Variants in PATL1 observed in about 807,000 individuals in gnomAD.
PATL1 encodes protein PAT1 homolog 1.
In PATL1, 32 loss-of-function variants were observed where a neutral mutation model predicts 100.6. The ratio of observed to expected loss-of-function variants is 0.32; its 90% CI spans 0.24 to 0.43. The LOEUF is 0.43. PATL1 is among the 20% of genes least tolerant of loss of function. PATL1 has a pLI of 1.00. For missense variants in PATL1, 747 were observed against 949.9 expected, an observed-to-expected ratio of 0.79 and a Z score of 2.81; for synonymous variants, 332 against 330.0, an observed-to-expected ratio of 1.01 and a Z score of -0.07.
At chr11:59,650,865 T>G in intron 12 of PATL1, 52 bp from the exon 13 acceptor site, 1 of 1,262,004 alleles carries the variant, frequency 7.9e-7, no homozygotes. Context: ...GTTAAAATAA[T>G]TTACCAAGTG....
intron 2 of PATL1, among the ~76,000 whole-genome samples, chr11:59,666,389 CTAT>C (rs1488096798): frequency 6.6e-6 from 1 of 152,192 alleles, no homozygotes; most frequent in Non-Finnish European, 1.5e-5. Flanking sequence ...TTTGAAGATA[CTAT>C]AAGTTGCAAA....
chr11:59,663,618 CATA>C (rs1861653750), intron 2 of PATL1, among the ~76,000 whole-genome samples: 1 of 152,112 alleles, frequency 6.6e-6, no homozygotes, highest in African/African-American at 2.4e-5. Flanking sequence ...GTGCCTAGCA[CATA>C]ATAAGCACCA....
At chr11:59,667,677 T>C (rs1296227346) in intron 1 of PATL1, among the ~76,000 whole-genome samples, 1 of 152,238 alleles carries the variant, frequency 6.6e-6, no homozygotes, top group African/African-American at 2.4e-5. Context: ...ATGTCTTACA[T>C]TGTAATGCAG....
At chr11:59,663,034 T>TA (rs1413887231) in intron 2 of PATL1, among the ~76,000 whole-genome samples, 1 of 152,176 alleles carries the variant, frequency 6.6e-6, no homozygotes, top group African/African-American at 2.4e-5. Context: ...AGTAGTATTT[T>TA]AGAGATATTG....
At chr11:59,665,936 C>T (rs1050098277) in intron 2 of PATL1, among the ~76,000 whole-genome samples, 2 of 152,160 alleles carry the variant, frequency 1.3e-5, no homozygotes, top group African/African-American at 2.4e-5. Flanking sequence ...TTTATAACCC[C>T]GTGGCCTGTA....
At chr11:59,654,157 C>T (rs1488884439) in intron 8 of PATL1, 85 bp from the exon 9 acceptor site, 9 of 1,177,660 alleles carry the variant, frequency 7.6e-6, no homozygotes, top group South Asian at 1.2e-5. Flanking sequence ...AGGATAACTT[C>T]ATACAGGTTA....
Position 59,639,501 on chromosome 11 carries a change from T to C in PATL1, c.2050-118A>G, listed in dbSNP as rs1050745286. The C allele has an allele frequency of 4.2e-6, 3 of 717,782 alleles. No homozygotes were observed. In the Admixed American group the frequency reaches 8.1e-5, roughly 19 times the overall value. 44.5% of individuals were successfully genotyped at this position (717,782 alleles called of 1,614,324 possible). ...CTCTAAATCAAAATAACCTCACTAC[T>C]GTGCTTTTCTGTAAAACCAGGTAAA... On this transcript the variant is annotated intron_variant, in intron 16 of 18. Transcript: ENST00000300146.
At chr11:59,643,092 C>A (rs1212558285) in intron 15 of PATL1, 57 bp from the exon 16 acceptor site, 3 of 1,559,210 alleles carry the variant, frequency 1.9e-6, no homozygotes, top group African/African-American at 2.7e-5. Flanking sequence ...AGTTACCCCC[C>A]ACCAGGGGCA....
At chr11:59,644,909 T>TTTA (rs1554983881) in intron 15 of PATL1, among the ~76,000 whole-genome samples, 3 of 111,542 alleles carry the variant, frequency 2.7e-5, no homozygotes, top group African/African-American at 8.0e-5. Flanking sequence ...TTTTTTTTTT[T>TTTA]AAAAAAAAAA....
chr11:59,666,801 T>G, intron 2 of PATL1, 52 bp downstream of exon 2: 8 of 1,519,476 alleles, frequency 5.3e-6, no homozygotes, highest in Non-Finnish European at 7.1e-6. Context: ...AAGACAGCAC[T>G]TGAAAAGAGC....
At chr11:59,654,194 G>A (rs778741688) in intron 8 of PATL1, 122 bp from the exon 9 acceptor site, 81 of 842,712 alleles carry the variant, frequency 9.6e-5, no homozygotes, top group Non-Finnish European at 1.4e-4. Context: ...AAGTCTATTC[G>A]GGATGGGTGC....
intron 8 of PATL1, among the ~76,000 whole-genome samples, chr11:59,654,434 G>C (rs1041418470): frequency 6.7e-6 from 1 of 149,100 alleles, no homozygotes; most frequent in Non-Finnish European, 1.5e-5. Context: ...CCGAGATCGT[G>C]TGGGTCACTG....
At position 59,668,920 on chromosome 11, in the gene PATL1, GGGA is replaced by G. The variant is rs1348334027; in HGVS notation, c.-28_-26del. On this transcript the variant is annotated 5_prime_UTR_variant, in exon 1 of 19. Transcript: ENST00000300146. ...TTCTTGGGGAGGGGGGCAGGGAGCGGGGAGGGGAGAGGGGGAGGGAGGGAAGAA... is the reference window on the plus strand; with the variant it reads ...TTCTTGGGGAGGGGGGCAGGGAGCGGGGGGAGAGGGGGAGGGAGGGAAGAA... 1 of 574,234 alleles carries G rather than the reference GGGA, an allele frequency of 1.7e-6. No individual in the cohort carries two copies. The highest frequency in any genetic ancestry group is 2.0e-5 in the African/African-American group (1 of 50,394). 35.6% of individuals were successfully genotyped at this position (574,234 alleles called of 1,614,324 possible).
chr11:59,647,003 C>T (rs1487224696), intron 15 of PATL1, among the ~76,000 whole-genome samples: 4 of 151,886 alleles, frequency 2.6e-5, no homozygotes, highest in South Asian at 2.1e-4. Context: ...GAGGACTGCA[C>T]GAGTCTAGGA....
At position 59,649,727 on chromosome 11, in the gene PATL1, GA is replaced by G. The variant is rs941699070; in HGVS notation, c.1585-118del. On this transcript the variant is annotated intron_variant, in intron 13 of 18. Transcript: ENST00000300146. The stretch of plus-strand genomic sequence containing the variant: ...GACAAACTCATTATAGAAAGACTGA[GA>G]TTTTTTTTTTTTTAATGTAGAAAAC... 27 of 1,078,714 alleles carry G rather than the reference GA, an allele frequency of 2.5e-5. 1 individual carries two copies. In the Admixed American group the frequency reaches 3.1e-4, roughly 12 times the overall value. 66.8% of individuals were successfully genotyped at this position (1,078,714 alleles called of 1,614,324 possible).
In PATL1 at chr11:59,638,312, C is replaced by T; in HGVS notation, c.*78G>A. ...GGGGAAAAAGCTACCTTCCTTCCCT[C>T]ATTAAAAACACTCCATTGGTGATGG... is the stretch of plus-strand genomic sequence containing the variant. On this transcript the variant is annotated 3_prime_UTR_variant, in exon 19 of 19. Transcript: ENST00000300146. 6.9e-7 allele frequency: 1 copy of T among 1,449,656 alleles called. No individual in the cohort carries two copies. The highest frequency in any genetic ancestry group is 1.8e-5 in the Admixed American group (1 of 55,854). The allele number at this position is 1,449,656 out of a possible 1,614,324, so 89.8% of individuals were successfully genotyped here.
At chr11:59,648,667 CT>C (rs1262192978) in intron 14 of PATL1, among the ~76,000 whole-genome samples, 1 of 152,030 alleles carries the variant, frequency 6.6e-6, no homozygotes, top group Non-Finnish European at 1.5e-5. Flanking sequence ...TGTACCTTGA[CT>C]TTTTTCACTC....
At chr11:59,667,835 G>A (rs776140886) in intron 1 of PATL1, among the ~76,000 whole-genome samples, 1 of 152,118 alleles carries the variant, frequency 6.6e-6, no homozygotes, top group Non-Finnish European at 1.5e-5. Flanking sequence ...TATTCTCCAA[G>A]TTTTCCTTTT....
Position 59,655,948 on chromosome 11 carries a change from A to T in PATL1, c.813+8T>A, listed in dbSNP as rs985408590. 6.3e-7 allele frequency: 1 copy of T among 1,575,974 alleles called. No homozygotes were observed. Among genetic ancestry groups the T allele is most frequent in the East Asian group, 2.3e-5 (1 of 43,864 alleles). ...GTTCTTTATGGGTAGGGCTAATCAC[A>T]GGCTTACCTGTGCTCCTCCAAGAAG... On this transcript the variant is annotated splice_region_variant and intron_variant, in intron 7 of 18. Transcript: ENST00000300146.
Sources: gnomAD v4.1 joint callset for allele counts (sites outside exome capture counted in the v4.1 genomes callset) on GRCh38, gnomAD v4.1.1 for gene constraint, MANE v1.5 for transcripts, NCBI Gene and HGNC (gene_info 2026-07-23, HGNC 2026-07-21) for gene names.